Variants in ACMSD observed in about 807,000 individuals in gnomAD.
The protein encoded by ACMSD is 2-amino-3-carboxymuconate-6-semialdehyde decarboxylase.
In ACMSD, 37 loss-of-function variants were observed where a neutral mutation model predicts 45.9. The observed-to-expected ratio is 0.81, with a 90% CI of 0.62 to 1.06. The LOEUF is 1.06. ACMSD is among the 50% of genes least tolerant of loss of function. ACMSD has a pLI of 0.00. For missense variants in ACMSD, 434 were observed against 420.9 expected (o/e 1.03, Z -0.27); for synonymous variants, 138 against 148.8 (o/e 0.93, Z 0.53).
At chr2:134,897,374 C>T (rs553078181) in intron 8 of ACMSD, among the ~76,000 whole-genome samples, 1 of 152,248 alleles carries the variant, frequency 6.6e-6, no homozygotes, top group South Asian at 2.1e-4. Flanking sequence ...GATCATTCTT[C>T]TTTACACTGT....
intron 5 of ACMSD, among the ~76,000 whole-genome samples, chr2:134,865,444 G>T (rs542278914): frequency 3.9e-4 from 60 of 152,166 alleles, no homozygotes; most frequent in Admixed American, 1.2e-3. Context: ...AACAGCAGCC[G>T]GTTGAGGTCC....
At chr2:134,876,248 A>T (rs1381782467) in intron 8 of ACMSD, among the ~76,000 whole-genome samples, 12 of 152,152 alleles carry the variant, frequency 7.9e-5, no homozygotes, top group Admixed American at 2.6e-4. Flanking sequence ...TAAATTTTTT[A>T]AAAATTTTCT....
At chr2:134,883,742 C>A (rs2104921017) in intron 8 of ACMSD, among the ~76,000 whole-genome samples, 1 of 152,216 alleles carries the variant, frequency 6.6e-6, no homozygotes, top group Middle Eastern at 3.4e-3. Context: ...AAGTGATCCC[C>A]CCCACCTCAG....
intron 7 of ACMSD, 38 bp downstream of exon 7, chr2:134,871,098 C>A (rs1475586931): frequency 1.3e-6 from 2 of 1,539,910 alleles, no homozygotes; most frequent in Non-Finnish European, 1.8e-6. Context: ...CAGGCTGTCA[C>A]AACAAAATCC....
At chr2:134,878,708 T>C (rs763591276) in intron 8 of ACMSD, among the ~76,000 whole-genome samples, 13 of 152,368 alleles carry the variant, frequency 8.5e-5, no homozygotes, top group Non-Finnish European at 1.9e-4. Context: ...GAGCAGTTTG[T>C]ACAGACTGCT....
intron 2 of ACMSD, among the ~76,000 whole-genome samples, chr2:134,846,368 C>A (rs748712502): frequency 6.6e-6 from 1 of 151,994 alleles, no homozygotes; most frequent in Non-Finnish European, 1.5e-5. Flanking sequence ...TTTTAACAAG[C>A]CTCCTGGTGA....
chr2:134,878,619 G>T (rs1441546748), intron 8 of ACMSD, among the ~76,000 whole-genome samples: 3 of 152,190 alleles, frequency 2.0e-5, no homozygotes, highest in Admixed American at 2.0e-4. Flanking sequence ...GAGCCACTGT[G>T]CCAGGCCAAT....
rs372639101 is a variant in ACMSD at position 134,858,553 on chromosome 2, G to C, written c.103-708G>C. Among the ~76,000 whole-genome samples, 123 of 152,208 alleles carry C rather than the reference G, an allele frequency of 8.1e-4. 3 individuals are homozygous for C. The South Asian group carries it at 0.024, about 30-fold the overall frequency. ...AAAAAAAATAAGTATGTGAAGTAAT[G>C]GACATTTTAATTAGCTTGATTTAGC... On this transcript the variant is annotated intron_variant, in intron 2 of 9. Transcript: ENST00000356140.
intron 8 of ACMSD, among the ~76,000 whole-genome samples, chr2:134,890,207 T>C (rs796621643): frequency 2.6e-4 from 39 of 152,144 alleles, no homozygotes; most frequent in African/African-American, 9.1e-4. Flanking sequence ...AAATTACCAA[T>C]ACTAAGACAA....
At chr2:134,848,836 C>T (rs1687201105) in intron 2 of ACMSD, among the ~76,000 whole-genome samples, 1 of 152,136 alleles carries the variant, frequency 6.6e-6, no homozygotes, top group Admixed American at 6.5e-5. Flanking sequence ...AGTCTTTGCC[C>T]ATGCCTATGT....
chr2:134,870,878 C>A, intron 6 of ACMSD, 87 bp from the exon 7 acceptor site: 2 of 1,147,738 alleles, frequency 1.7e-6, no homozygotes, highest in Non-Finnish European at 2.6e-6. Context: ...AGTTTCTTTG[C>A]ACTGACAATT....
intron 8 of ACMSD, among the ~76,000 whole-genome samples, chr2:134,885,266 TAA>T (rs1199604239): frequency 1.1e-5 from 1 of 87,886 alleles, no homozygotes; most frequent in African/African-American, 4.9e-5. Flanking sequence ...AATATATATA[TAA>T]ATATATATAT....
intron 2 of ACMSD, among the ~76,000 whole-genome samples, chr2:134,855,600 A>T (rs1044490530): frequency 4.1e-4 from 62 of 152,336 alleles, no homozygotes; most frequent in African/African-American, 1.4e-3. Flanking sequence ...TCAACGGAGG[A>T]TCAGAGCTGA....
chr2:134,893,052 T>C, intron 8 of ACMSD, among the ~76,000 whole-genome samples: 1 of 152,150 alleles, frequency 6.6e-6, no homozygotes, highest in Non-Finnish European at 1.5e-5. Context: ...TTACTTTTGA[T>C]TGAATGCATT....
intron 1 of ACMSD, 83 bp from the exon 2 acceptor site, chr2:134,845,150 C>A: frequency 7.0e-7 from 1 of 1,427,034 alleles, no homozygotes; most frequent in Non-Finnish European, 9.9e-7. Flanking sequence ...AGGTGGAGCT[C>A]AGGATCTTCT....
intron 2 of ACMSD, among the ~76,000 whole-genome samples, chr2:134,852,282 G>T (rs552113454): frequency 3.9e-5 from 6 of 152,140 alleles, no homozygotes; most frequent in African/African-American, 1.4e-4. Context: ...ATGGGGATTT[G>T]TAAGTTTACT....
intron 8 of ACMSD, among the ~76,000 whole-genome samples, chr2:134,897,493 G>A (rs1337727326): frequency 6.6e-6 from 1 of 152,032 alleles, no homozygotes; most frequent in African/African-American, 2.4e-5. Flanking sequence ...AAATAATGTT[G>A]CAATTTATTT....
chr2:134,856,905 GT>G (rs79389559), intron 2 of ACMSD, among the ~76,000 whole-genome samples: 3 of 150,908 alleles, frequency 2.0e-5, no homozygotes, highest in African/African-American at 4.9e-5. Flanking sequence ...GAAATGTATG[GT>G]TTTTTTTTCT....
intron 9 of ACMSD, among the ~76,000 whole-genome samples, chr2:134,900,862 T>A (rs1690460220): frequency 6.6e-6 from 1 of 152,144 alleles, no homozygotes; most frequent in Admixed American, 6.5e-5. Flanking sequence ...ATCCCTTGAC[T>A]CCAGGATCAG....
Sources: allele counts gnomAD v4.1 joint callset (sites outside exome capture counted in the v4.1 genomes callset), GRCh38; gene constraint gnomAD v4.1.1; transcripts MANE v1.5; gene names NCBI Gene and HGNC (gene_info 2026-07-23, HGNC 2026-07-21).